The following PCNT variants were observed in gnomAD, a reference collection of about 807,000 sequenced individuals.
PCNT encodes kendrin.
Under a neutral mutation model 380.4 loss-of-function variants are expected in PCNT, and 319 were observed. The observed-to-expected ratio is 0.84, with a 90% CI of 0.77 to 0.92. The LOEUF is 0.92. Ranked by LOEUF, PCNT falls within the 40% of genes least tolerant of loss-of-function variation. PCNT has a pLI of 0.00. For missense variants in PCNT, 4,400 were observed against 4,255.3 expected, an observed-to-expected ratio of 1.03 and a Z score of -0.95; for synonymous variants, 1,845 against 1,735.2, an observed-to-expected ratio of 1.06 and a Z score of -1.57.
chr21:46,336,731 G>T (rs528670226), intron 3 of PCNT, among the ~76,000 whole-genome samples: 78 of 152,268 alleles, frequency 5.1e-4, no homozygotes, highest in Non-Finnish European at 9.7e-4. Context: ...TCTCTCCGTG[G>T]ACAGAGTGAG....
At chr21:46,427,249 T>A (rs1294529510) in intron 33 of PCNT, among the ~76,000 whole-genome samples, 1 of 152,248 alleles carries the variant, frequency 6.6e-6, no homozygotes, top group African/African-American at 2.4e-5. Context: ...GGGCAGTGTG[T>A]GTCTTCTCTT....
chr21:46,359,872 T>C (rs1452311470), intron 13 of PCNT, among the ~76,000 whole-genome samples: 2 of 151,728 alleles, frequency 1.3e-5, no homozygotes, highest in African/African-American at 4.8e-5. Flanking sequence ...TTTTTTTTTT[T>C]CTTTTTTTTT....
Position 46,351,556 on chromosome 21 carries a change from G to T in PCNT, c.1456+16G>T. ...GAATTGAGTGGTGAGGAATTGTATT[G>T]GAAAATTCAGATCCTCAAAAGCTGA... On this transcript the variant is annotated intron_variant, in intron 9 of 46. Coordinates refer to ENST00000359568, the MANE Select transcript of PCNT (RefSeq NM_006031.6). 7.2e-7 allele frequency: 1 copy of T among 1,385,884 alleles called. No homozygotes were observed. The highest frequency in any genetic ancestry group is 1.0e-6 in the Non-Finnish European group (1 of 971,564). The allele number at this position is 1,385,884 out of a possible 1,614,324, so 85.8% of individuals were successfully genotyped here.
chr21:46,333,704 C>A (rs1439654000), intron 2 of PCNT, among the ~76,000 whole-genome samples: 1 of 150,492 alleles, frequency 6.6e-6, no homozygotes, highest in Non-Finnish European at 1.5e-5. Flanking sequence ...AGTTCAAGAC[C>A]AGTCTGGCCA....
At chr21:46,389,538 C>T (rs2085961364) in intron 19 of PCNT, 107 bp downstream of exon 19, 3 of 844,626 alleles carry the variant, frequency 3.6e-6, no homozygotes, top group Non-Finnish European at 5.6e-6. Context: ...GCACGGGTTT[C>T]TCCCCAAGGA....
chr21:46,416,834 G>A lies in PCNT; in HGVS notation c.6916G>A (p.Ala2306Thr). The change falls in exon 30 of 47, where the codon GCT (alanine) becomes ACT (threonine). Residue 2306 changes from alanine to threonine, a missense_variant. Ala to Thr is a moderately conservative substitution (Grantham distance 58). Coordinates refer to ENST00000359568, the MANE Select transcript of PCNT (RefSeq NM_006031.6). The part of the protein sequence containing the change: ...PADDHHVQRT[A>T]VEKDVEDFIT... ...TGACGACCACCATGTGCAGAGGACGGCTGTGGTAGGTGCCTGCTCTGCTCC... is the reference window on the plus strand; with the variant it reads ...TGACGACCACCATGTGCAGAGGACGACTGTGGTAGGTGCCTGCTCTGCTCC... 6.3e-7 allele frequency: 1 copy of A among 1,597,688 alleles called. No homozygotes were observed. The highest frequency in any genetic ancestry group is 1.1e-5 in the South Asian group (1 of 91,014).
intron 41 of PCNT, among the ~76,000 whole-genome samples, chr21:46,438,673 T>A (rs1262706640): frequency 9.5e-6 from 1 of 105,192 alleles, no homozygotes; most frequent in Non-Finnish European, 1.8e-5. Context: ...TTTATAATTT[T>A]TTTTTTTTTT....
intron 21 of PCNT, among the ~76,000 whole-genome samples, chr21:46,396,014 A>G (rs571927631): frequency 8.2e-4 from 121 of 148,196 alleles, no homozygotes; most frequent in African/African-American, 2.7e-3. Context: ...TTCAGGATTC[A>G]GCAGCAGAGA....
At chr21:46,444,625 GCTCCGT>G (rs2053702487) in intron 45 of PCNT, 63 bp from the exon 46 acceptor site, 1 of 1,559,968 alleles carries the variant, frequency 6.4e-7, no homozygotes, top group Admixed American at 1.7e-5. Flanking sequence ...AGTCACCATG[GCTCCGT>G]CTGTCAAACT....
At chr21:46,351,330 C>T in intron 8 of PCNT, 99 bp from the exon 9 acceptor site, 1 of 780,668 alleles carries the variant, frequency 1.3e-6, no homozygotes, top group Non-Finnish European at 2.4e-6. Context: ...AGCTTTTACC[C>T]TTAGGATCGC....
chr21:46,385,931 G>A lies in PCNT; in HGVS notation c.3412G>A (p.Ala1138Thr), dbSNP rs758303019. Residue 1138 changes from alanine to threonine, a missense_variant, in exon 17 of 47, where the codon GCA (alanine) becomes ACA (threonine). Physicochemically the swap from Ala to Thr is moderately conservative, Grantham distance 58. Coordinates refer to ENST00000359568, the MANE Select transcript of PCNT (RefSeq NM_006031.6). Reference sequence around the variant, plus strand: ...GCGGGAGCGGGAGAACCGGGAAGGCGCAAACCTCCTCTCCATGCTCAAGGC... The same window carrying A: ...GCGGGAGCGGGAGAACCGGGAAGGCACAAACCTCCTCTCCATGCTCAAGGC... ...QRRERENREG[A>T]NLLSMLKADV... is the part of the protein sequence containing the mutation. The A allele has an allele frequency of 4.3e-6, 7 of 1,614,076 alleles. No homozygotes were observed. The highest frequency in any genetic ancestry group is 2.2e-5 in the South Asian group (2 of 91,082).
At chr21:46,443,224 T>C (rs557266239) in intron 44 of PCNT, 26 of 162,672 alleles carry the variant, frequency 1.6e-4, no homozygotes, top group African/African-American at 6.0e-4. Flanking sequence ...TGTTGTTGTT[T>C]TGTTGTTTTT....
intron 15 of PCNT, among the ~76,000 whole-genome samples, chr21:46,380,145 A>ATTTTTTTTTTTTTTTTTTT (rs552854585): frequency 1.7e-5 from 1 of 59,686 alleles, no homozygotes; most frequent in African/African-American, 7.9e-5. Context: ...CCTGGGGTAG[A>ATTTTTTTTTTTTTTTTTTT]TTTTTTTTTT....
At position 46,440,841 on chromosome 21, in the gene PCNT, T is replaced by A; in HGVS notation, c.9394-14T>A. Reference sequence around the variant, plus strand: ...GTTTCCTATGATAAAATTTTACTGCTTTTTTTCTTTTAGATGGAAAAATTG... The same window carrying A: ...GTTTCCTATGATAAAATTTTACTGCATTTTTTCTTTTAGATGGAAAAATTG... On this transcript the variant is annotated splice_polypyrimidine_tract_variant and intron_variant, in intron 42 of 46. Transcript: ENST00000359568. 6.6e-7 allele frequency: 1 copy of A among 1,526,278 alleles called. No homozygotes were observed. The highest frequency in any genetic ancestry group is 9.1e-7 in the Non-Finnish European group (1 of 1,100,250). The allele number at this position is 1,526,278 out of a possible 1,614,324, so 94.5% of individuals were successfully genotyped here.
In PCNT at chr21:46,432,140, G is replaced by A. The variant is rs779468459; in HGVS notation, c.8676G>A (p.Arg2892=). ...AGCAAGAAGGACGCAAGGCTGCGAG[G>A]AGGAGCGCGGAGGCCAGGCAGAGCC... ...LKEQEGRKAA[R]RSAEARQSPA... is the part of the protein sequence containing the mutation. Residue 2892 remains arginine (R), a synonymous_variant, in exon 38 of 47, where the codon AGG becomes AGA. Coordinates refer to ENST00000359568, the MANE Select transcript of PCNT (RefSeq NM_006031.6). The A allele has an allele frequency of 4.7e-5, 76 of 1,613,924 alleles. No homozygotes were observed. In the Middle Eastern group the frequency reaches 6.7e-4, roughly 14 times the overall value.
rs2087563791 is a variant in PCNT, at chr21:46,427,619, T to G, written c.7321-3T>G. 2 of 1,613,838 alleles carry G rather than the reference T, an allele frequency of 1.2e-6. No individual in the cohort carries two copies. Among genetic ancestry groups the G allele is most frequent in the African/African-American group, 1.3e-5 (1 of 75,032 alleles). ...ACGCCACGTTTCTTCCTTCTTCCTT[T>G]AGGAAGTGCCCACCGCGTGCCCCGA... On this transcript the variant is annotated splice_polypyrimidine_tract_variant and splice_region_variant and intron_variant, in intron 33 of 46. Transcript: ENST00000359568.
intron 41 of PCNT, 77 bp from the exon 42 acceptor site, chr21:46,440,006 C>A: frequency 1.3e-6 from 2 of 1,587,518 alleles, no homozygotes; most frequent in Admixed American, 1.7e-5. Context: ...TCTCCCTCAC[C>A]TGCCCCCGGC....
chr21:46,324,966 TC>T, intron 1 of PCNT: 1 of 947,932 alleles, frequency 1.1e-6, no homozygotes, highest in Non-Finnish European at 1.2e-6. Context: ...TGGGCTCGCG[TC>T]CTGCCCGTCC....
At position 46,430,760 on chromosome 21, in the gene PCNT, G is replaced by A. The variant is rs1016024036; in HGVS notation, c.8064+103G>A. On this transcript the variant is annotated intron_variant, in intron 37 of 46. Transcript: ENST00000359568. ...TTCTTTTCCTGTTCTTCATGGCAGT[G>A]CACCCAGTTGACAGCAGTGTGACGT... 1.1e-4 allele frequency: 172 copies of A among 1,539,902 alleles called. 1 individual carries two copies. Among genetic ancestry groups the A allele is most frequent in the Middle Eastern group, 2.3e-4 (1 of 4,374 alleles).
Sources: gnomAD v4.1 joint callset for allele counts (sites outside exome capture counted in the v4.1 genomes callset) on GRCh38, gnomAD v4.1.1 for gene constraint, MANE v1.5 for transcripts, NCBI Gene and HGNC (gene_info 2026-07-23, HGNC 2026-07-21) for gene names.